STK32B: variants seen among roughly 807,000 people sequenced by gnomAD.
STK32B encodes serine/threonine kinase 32B, also known as serine/threonine-protein kinase 32B.
STK32B carries 43 observed loss-of-function variants against 52.6 expected under a neutral mutation model. The observed-to-expected ratio is 0.82, with a 90% CI of 0.64 to 1.05. STK32B has a LOEUF of 1.05. Among genes scored for constraint, STK32B ranks in the 50% least tolerant of loss-of-function variants. The pLI is 0.00. For missense variants in STK32B, 621 were observed against 534.6 expected, an observed-to-expected ratio of 1.16 and a Z score of -1.59; for synonymous variants, 238 against 204.3, an observed-to-expected ratio of 1.17 and a Z score of -1.41.
intron 11 of STK32B, among the ~76,000 whole-genome samples, chr4:5,486,085 G>C (rs1160738165): frequency 6.6e-6 from 1 of 152,154 alleles, no homozygotes; most frequent in Non-Finnish European, 1.5e-5. Context: ...CCAGCTGCGT[G>C]CTGGGAGGAC....
chr4:5,370,754 A>G (rs1158695923), intron 4 of STK32B, among the ~76,000 whole-genome samples: 1 of 152,150 alleles, frequency 6.6e-6, no homozygotes, highest in East Asian at 1.9e-4. Context: ...GCACTTTGGG[A>G]GGCTGAGGTG....
At position 5,380,324 on chromosome 4, in the gene STK32B, C is replaced by T. The variant is rs549737801; in HGVS notation, c.435-17883C>T. Among the ~76,000 whole-genome samples the T allele has an allele frequency of 5.3e-5, 8 of 152,242 alleles. No individual in the cohort carries two copies. Among genetic ancestry groups the T allele is most frequent in the South Asian group, 2.1e-4 (1 of 4,810 alleles). Reference sequence around the variant, plus strand: ...CTCGCTTCCCTCCCAGCCCTCCTCCCGAATCTCTCCAACGCTACCCAAGAG... The same window carrying T: ...CTCGCTTCCCTCCCAGCCCTCCTCCTGAATCTCTCCAACGCTACCCAAGAG... On this transcript the variant is annotated intron_variant, in intron 4 of 11. Transcript: ENST00000282908. This position sits in a 1 kb window ranked among gnomAD's most constrained non-coding sequence, Gnocchi z 4.3.
At chr4:5,307,551 T>C (rs1180986468) in intron 3 of STK32B, among the ~76,000 whole-genome samples, 1 of 150,746 alleles carries the variant, frequency 6.6e-6, no homozygotes, top group Non-Finnish European at 1.5e-5. Context: ...GCTCTATCTT[T>C]TTTTTTTTTT....
intron 6 of STK32B, among the ~76,000 whole-genome samples, chr4:5,430,902 C>T (rs916766715): frequency 6.6e-6 from 1 of 152,226 alleles, no homozygotes; most frequent in African/African-American, 2.4e-5. Flanking sequence ...GGGTCTCTCT[C>T]TGTGCTCCTG....
chr4:5,391,614 A>G (rs1487971494), intron 4 of STK32B, among the ~76,000 whole-genome samples: 3 of 152,140 alleles, frequency 2.0e-5, no homozygotes. Context: ...CACCCAGAGC[A>G]CCCAAGATGG....
At chr4:5,136,373 G>A (rs897241112) in intron 1 of STK32B, among the ~76,000 whole-genome samples, 2 of 59,694 alleles carry the variant, frequency 3.4e-5, no homozygotes, top group Non-Finnish European at 7.1e-5. Context: ...TTTTAGCGGT[G>A]TAACCCTTTG....
intron 3 of STK32B, among the ~76,000 whole-genome samples, chr4:5,292,552 G>T (rs1728955083): frequency 1.3e-5 from 2 of 151,678 alleles, no homozygotes; most frequent in African/African-American, 2.4e-5. Flanking sequence ...GCTTTATTGG[G>T]TGCATAATTT....
intron 1 of STK32B, among the ~76,000 whole-genome samples, chr4:5,126,897 G>A (rs879401483): frequency 3.3e-5 from 5 of 152,160 alleles, no homozygotes; most frequent in Admixed American, 1.3e-4. Context: ...CTAATTTGTG[G>A]TTTAGAGTCT....
At chr4:5,081,168 GCTGA>G (rs1468382569) in intron 1 of STK32B, among the ~76,000 whole-genome samples, 2 of 152,086 alleles carry the variant, frequency 1.3e-5, no homozygotes, top group African/African-American at 2.4e-5. Flanking sequence ...AGTATTTAGG[GCTGA>G]CTAATACGTT....
intron 3 of STK32B, among the ~76,000 whole-genome samples, chr4:5,303,024 G>A (rs1729669742): frequency 6.6e-6 from 1 of 151,690 alleles, no homozygotes; most frequent in African/African-American, 2.4e-5. Context: ...ATGTATATGT[G>A]GGTGTGTGTG....
chr4:5,154,090 C>T (rs548250759), intron 2 of STK32B, among the ~76,000 whole-genome samples: 20 of 152,026 alleles, frequency 1.3e-4, no homozygotes, highest in African/African-American at 4.3e-4. Context: ...TCAAGATGTA[C>T]TGTGAACCTA....
chr4:5,275,441 A>G (rs1191750370), intron 3 of STK32B, among the ~76,000 whole-genome samples: 4 of 152,180 alleles, frequency 2.6e-5, no homozygotes, highest in East Asian at 3.9e-4. Context: ...ATCGTGGTTC[A>G]TGTCTGGGCA....
chr4:5,187,660 T>C (rs1008495154), intron 3 of STK32B, among the ~76,000 whole-genome samples: 1 of 152,110 alleles, frequency 6.6e-6, no homozygotes, highest in South Asian at 2.1e-4. Flanking sequence ...ATTTCCATGG[T>C]GTAAATAGTT....
At chr4:5,289,136 A>T (rs951287984) in intron 3 of STK32B, among the ~76,000 whole-genome samples, 6 of 152,204 alleles carry the variant, frequency 3.9e-5, no homozygotes, top group African/African-American at 1.4e-4. Context: ...GCTATATGGT[A>T]TAACCTATTA....
chr4:5,282,941 C>G (rs1728302619), intron 3 of STK32B, among the ~76,000 whole-genome samples: 1 of 152,118 alleles, frequency 6.6e-6, no homozygotes, highest in African/African-American at 2.4e-5. Flanking sequence ...AAAGCAAAAT[C>G]ATGGATAAGA....
intron 3 of STK32B, among the ~76,000 whole-genome samples, chr4:5,233,129 C>CTA (rs1724389549): frequency 6.6e-6 from 1 of 152,104 alleles, no homozygotes; most frequent in African/African-American, 2.4e-5. Flanking sequence ...ATGACCTTGA[C>CTA]TATACAGTTT....
At chr4:5,406,652 C>G (rs574921410) in intron 5 of STK32B, among the ~76,000 whole-genome samples, 1 of 152,274 alleles carries the variant, frequency 6.6e-6, no homozygotes, top group East Asian at 1.9e-4. Flanking sequence ...ATGGCTTGCA[C>G]CCTTTGGAGC....
At chr4:5,262,622 C>T (rs1726789450) in intron 3 of STK32B, among the ~76,000 whole-genome samples, 1 of 134,540 alleles carries the variant, frequency 7.4e-6, no homozygotes, top group Non-Finnish European at 1.5e-5. Flanking sequence ...GAGACTCCAT[C>T]TCAAAAAAAA....
At position 5,249,628 on chromosome 4, in the gene STK32B, A is replaced by G. The variant is rs150960258; in HGVS notation, c.260+81178A>G. Among the ~76,000 whole-genome samples the G allele has an allele frequency of 2.0e-4, 31 of 152,246 alleles. No individual in the cohort carries two copies. The East Asian group carries it at 4.4e-3, about 22-fold the overall frequency. On this transcript the variant is annotated intron_variant, in intron 3 of 11. Transcript: ENST00000282908. The stretch of plus-strand genomic sequence containing the variant: ...ACTCATAGTGAAACATAGGTTTAAC[A>G]TTTTTAAAAATAATTTTCTCAGCAT...
Sources: gnomAD v4.1 joint callset for allele counts (sites outside exome capture counted in the v4.1 genomes callset) on GRCh38, gnomAD v4.1.1 for gene constraint, Gnocchi (gnomAD v3.1) non-coding constraint, MANE v1.5 for transcripts, NCBI Gene and HGNC (gene_info 2026-07-23, HGNC 2026-07-21) for gene names.